Variants in SH3RF2 observed in about 807,000 individuals in gnomAD.
SH3RF2 encodes SH3 domain containing ring finger 2, also known as E3 ubiquitin-protein ligase SH3RF2.
Under a neutral mutation model 59.0 loss-of-function variants are expected in SH3RF2, and 43 were observed. The observed-to-expected ratio is 0.73, with a 90% CI of 0.57 to 0.94. The LOEUF (loss-of-function observed/expected upper bound fraction) is 0.94. Ranked by LOEUF, SH3RF2 falls within the 40% of genes least tolerant of loss-of-function variation. The pLI is 0.00. For missense variants in SH3RF2, 930 were observed against 940.1 expected (o/e 0.99, Z 0.14); for synonymous variants, 391 against 391.5 (o/e 1.00, Z 0.01).
At chr5:145,970,837 G>A (rs905438341) in intron 2 of SH3RF2, among the ~76,000 whole-genome samples, 1 of 152,120 alleles carries the variant, frequency 6.6e-6, no homozygotes, top group Admixed American at 6.5e-5. Flanking sequence ...TAGAATTGGT[G>A]TATATCAGAA....
intron 5 of SH3RF2, 132 bp from the exon 6 acceptor site, chr5:146,047,640 A>G (rs936330033): frequency 2.1e-5 from 16 of 766,350 alleles, no homozygotes; most frequent in Non-Finnish European, 2.5e-5. Context: ...GAGAGGACGC[A>G]CAATGGGTGG....
chr5:145,960,262 C>T (rs370649729), intron 2 of SH3RF2, among the ~76,000 whole-genome samples: 2 of 152,236 alleles, frequency 1.3e-5, no homozygotes, highest in Middle Eastern at 3.4e-3. Flanking sequence ...CCTACCTAAA[C>T]TTATAAGCTG....
chr5:146,025,354 C>T (rs1043358683), intron 5 of SH3RF2, among the ~76,000 whole-genome samples: 7 of 152,218 alleles, frequency 4.6e-5, no homozygotes, highest in African/African-American at 1.7e-4. Flanking sequence ...CCTGTGCAGT[C>T]GCCTTGTTTA....
rs186190336 is a variant in SH3RF2, at chr5:146,057,440, C to T, written c.1555+1227C>T. Among the ~76,000 whole-genome samples the T allele has an allele frequency of 6.6e-5, 10 of 152,310 alleles. No individual in the cohort carries two copies. In the East Asian group the frequency reaches 1.9e-3, roughly 29 times the overall value. ...TAATTTCTTCTGCCTTCAGTTCACT[C>T]TTCTGTAAATGGGAAATAAAAATTC... On this transcript the variant is annotated intron_variant, in intron 8 of 9. Transcript: ENST00000359120.
At chr5:146,064,757 AGG>A (rs1763034190), downstream of SH3RF2, among the ~76,000 whole-genome samples, 6 of 5,212 alleles carry the variant, frequency 1.2e-3, no homozygotes, top group Non-Finnish European at 5.5e-3. Flanking sequence ...GAAGGAAGGA[AGG>A]AAGGAAGGAA....
chr5:146,052,830 C>T (rs1762545274), intron 7 of SH3RF2, among the ~76,000 whole-genome samples: 1 of 152,022 alleles, frequency 6.6e-6, no homozygotes, highest in African/African-American at 2.4e-5. Flanking sequence ...TGAGTTCCTA[C>T]TATTATTATT....
chr5:146,066,994 G>T (rs180999811), downstream of SH3RF2, among the ~76,000 whole-genome samples: 30 of 152,230 alleles, frequency 2.0e-4, no homozygotes, highest in Non-Finnish European at 1.0e-4. Flanking sequence ...GTCATGCCCA[G>T]CTGGGGACAT....
chr5:146,006,923 A>T (rs1760669179), intron 4 of SH3RF2, among the ~76,000 whole-genome samples: 1 of 152,200 alleles, frequency 6.6e-6, no homozygotes, highest in African/African-American at 2.4e-5. Flanking sequence ...TAGTTTCCAC[A>T]GTAGGGACGC....
chr5:145,951,948 G>T (rs1758209930), intron 2 of SH3RF2, among the ~76,000 whole-genome samples: 5 of 152,116 alleles, frequency 3.3e-5, no homozygotes. Context: ...CCTTTTGATA[G>T]CTGTATGACT....
At chr5:146,057,966 C>CTCTCTCTA (rs796279528) in intron 8 of SH3RF2, among the ~76,000 whole-genome samples, 108 of 72,942 alleles carry the variant, frequency 1.5e-3, no homozygotes, top group African/African-American at 3.8e-3. Flanking sequence ...CTCTCTCTCT[C>CTCTCTCTA]TCTATCTATC....
At chr5:146,047,178 T>TGTGTGTGTGTG (rs1561761124) in intron 5 of SH3RF2, among the ~76,000 whole-genome samples, 1 of 151,966 alleles carries the variant, frequency 6.6e-6, no homozygotes, top group Non-Finnish European at 1.5e-5. Context: ...TGTGTGTGTG[T>TGTGTGTGTGTG]TTCTAGCAAT....
chr5:145,974,869 C>T (rs995935479), intron 2 of SH3RF2, among the ~76,000 whole-genome samples: 5 of 152,164 alleles, frequency 3.3e-5, no homozygotes, highest in Non-Finnish European at 7.4e-5. Context: ...AAAGAGATGA[C>T]AATCAATAAG....
At chr5:146,013,669 A>G in intron 4 of SH3RF2, 78 bp from the exon 5 acceptor site, 1 of 1,532,422 alleles carries the variant, frequency 6.5e-7, no homozygotes, top group Non-Finnish European at 8.9e-7. Context: ...ACCTGGCTTC[A>G]GATGTACATG....
chr5:146,068,564 C>T (rs777053864), intron 9 of SH3RF2, among the ~76,000 whole-genome samples: 6 of 152,212 alleles, frequency 3.9e-5, no homozygotes, highest in Non-Finnish European at 8.8e-5. Context: ...AGGACCAAAC[C>T]AGAGACGTTA....
At chr5:145,952,579 G>C (rs1227380971) in intron 2 of SH3RF2, among the ~76,000 whole-genome samples, 53 of 152,170 alleles carry the variant, frequency 3.5e-4, no homozygotes, top group Admixed American at 3.5e-3. Context: ...TGCTCACTAT[G>C]TGTCAGACAC....
At chr5:145,939,211 T>G (rs1757716293) in intron 2 of SH3RF2, among the ~76,000 whole-genome samples, 1 of 152,168 alleles carries the variant, frequency 6.6e-6, no homozygotes, top group Admixed American at 6.5e-5. Flanking sequence ...CTGGAGTCAG[T>G]GTAAAAAAGT....
chr5:145,972,413 T>C (rs1759120940), intron 2 of SH3RF2, among the ~76,000 whole-genome samples: 1 of 152,160 alleles, frequency 6.6e-6, no homozygotes, highest in Non-Finnish European at 1.5e-5. Flanking sequence ...ATTTGAAGAA[T>C]GTGCTCCACC....
intron 2 of SH3RF2, among the ~76,000 whole-genome samples, chr5:145,996,361 C>T (rs752372888): frequency 6.6e-6 from 1 of 152,174 alleles, no homozygotes; most frequent in Admixed American, 6.5e-5. Flanking sequence ...AGCACTTCCT[C>T]TTAGTCTGTT....
intron 2 of SH3RF2, among the ~76,000 whole-genome samples, chr5:145,973,781 T>C (rs1309095599): frequency 6.6e-6 from 1 of 152,182 alleles, no homozygotes; most frequent in Non-Finnish European, 1.5e-5. Context: ...ATTTTCTACT[T>C]AGACATATAA....
Sources: gnomAD v4.1 joint callset for allele counts (sites outside exome capture counted in the v4.1 genomes callset) on GRCh38, gnomAD v4.1.1 for gene constraint, MANE v1.5 for transcripts, NCBI Gene and HGNC (gene_info 2026-07-23, HGNC 2026-07-21) for gene names.